STARD13: variants seen among roughly 807,000 people sequenced by gnomAD.
STARD13 encodes StAR related lipid transfer domain containing 13, also known as stAR-related lipid transfer protein 13.
In STARD13, 62 loss-of-function variants were observed where a neutral mutation model predicts 106.4. The observed-to-expected ratio is 0.58, with a 90% CI of 0.48 to 0.72. STARD13 has a LOEUF of 0.72. Ranked by LOEUF, STARD13 falls within the 30% of genes least tolerant of loss-of-function variation. STARD13 has a pLI of 0.00. For synonymous variants in STARD13, 565 were observed against 553.0 expected (o/e 1.02, Z -0.31); for missense variants, 1,387 against 1,424.0 (o/e 0.97, Z 0.42).
At chr13:33,480,325 A>G in the STARD13 span, among the ~76,000 whole-genome samples, 1 of 152,200 alleles carries the variant, frequency 6.6e-6, no homozygotes, top group African/African-American at 2.4e-5. Context: ...TTAAATTTTT[A>G]AAAATCCATA....
At chr13:33,292,122 T>A (rs1470117963) in intron 1 of STARD13, among the ~76,000 whole-genome samples, 1 of 151,876 alleles carries the variant, frequency 6.6e-6, no homozygotes, top group African/African-American at 2.4e-5. Flanking sequence ...AAGCTAGGGG[T>A]AAAATCCATT....
chr13:33,179,895 C>A (rs1479772729), intron 1 of STARD13, among the ~76,000 whole-genome samples: 1 of 152,206 alleles, frequency 6.6e-6, no homozygotes, highest in East Asian at 1.9e-4. Context: ...CCATCTTCTT[C>A]CCCCAGATGA....
intron 1 of STARD13, among the ~76,000 whole-genome samples, chr13:33,207,338 C>T (rs1307541280): frequency 6.6e-6 from 1 of 152,164 alleles, no homozygotes; most frequent in East Asian, 1.9e-4. Context: ...TGGCATCTGC[C>T]ATTAGTCAGT....
the STARD13 span, among the ~76,000 whole-genome samples, chr13:33,398,323 G>A: frequency 2.0e-5 from 3 of 152,044 alleles, no homozygotes; most frequent in Admixed American, 6.5e-5. Flanking sequence ...CAACATTCAC[G>A]AAATGAACAA....
intron 1 of STARD13, chr13:33,188,256 A>C (rs968380192): frequency 6.6e-6 from 1 of 152,154 alleles, no homozygotes; most frequent in African/African-American, 2.4e-5. Context: ...TCTGCCCTCA[A>C]TGTGAGTAGG....
intron 1 of STARD13, among the ~76,000 whole-genome samples, chr13:33,263,936 T>C (rs577957191): frequency 6.8e-4 from 104 of 152,296 alleles, no homozygotes; most frequent in African/African-American, 2.3e-3. Context: ...TGTTGACTAA[T>C]AGAATACAGA....
At position 33,157,114 on chromosome 13, in the gene STARD13, C is replaced by T. The variant is rs893326680; in HGVS notation, c.323+8223G>A. Among the ~76,000 whole-genome samples the T allele has an allele frequency of 8.6e-5, 13 of 151,838 alleles. 1 individual carries two copies. The highest frequency in any genetic ancestry group is 2.7e-4 in the African/African-American group (11 of 41,304). ...TCAACATACTCGAATCAAGTATGGG[C>T]CTTTGTATGTGTAGATAAATTGTAG... On this transcript the variant is annotated intron_variant, in intron 3 of 13. Transcript: ENST00000336934.
chr13:33,545,495 A>G, the STARD13 span, among the ~76,000 whole-genome samples: 32 of 152,358 alleles, frequency 2.1e-4, no homozygotes, highest in South Asian at 2.1e-3. Flanking sequence ...TAGTAATGCT[A>G]TATTTCATAT....
chr13:33,134,158 C>T (rs1025081500), intron 4 of STARD13, among the ~76,000 whole-genome samples: 2 of 152,170 alleles, frequency 1.3e-5, no homozygotes, highest in Non-Finnish European at 2.9e-5. Flanking sequence ...GACAATATGG[C>T]TCACTAGCTA....
intron 1 of STARD13, among the ~76,000 whole-genome samples, chr13:33,184,143 C>T (rs1314887243): frequency 6.6e-6 from 1 of 152,160 alleles, no homozygotes; most frequent in African/African-American, 2.4e-5. Context: ...CAAACCTTTC[C>T]TGAACCCTTC....
intron 5 of STARD13, among the ~76,000 whole-genome samples, chr13:33,127,881 A>AGAG (rs1877469063): frequency 2.7e-5 from 4 of 149,236 alleles, no homozygotes; most frequent in East Asian, 2.0e-4. Flanking sequence ...GTGTGTGTGT[A>AGAG]TGTGAGAGAG....
At position 33,130,269 on chromosome 13, in the gene STARD13, T is replaced by A. The variant is rs778960009; in HGVS notation, c.408A>T (p.Glu136Asp). The A allele has an allele frequency of 6.2e-7, 1 of 1,602,468 alleles. No homozygotes were observed. The highest frequency in any genetic ancestry group is 1.3e-5 in the African/African-American group (1 of 74,918). Residue 136 changes from glutamate to aspartate, a missense_variant, in exon 5 of 14, where the codon GAA becomes GAT. By Grantham distance (45) the Glu-to-Asp change is conservative (BLOSUM62 2). Coordinates refer to ENST00000336934, the MANE Select transcript of STARD13 (RefSeq NM_178006.4). This position sits in a 1 kb window ranked among gnomAD's most constrained non-coding sequence, Gnocchi z 4.1. The stretch of plus-strand genomic sequence containing the variant: ...TCCATTTGTTGCTGATACAAAGATC[T>A]TCCTCATCGGAGTCGTCACCCTGCA... ...QRKKGDDSDE[E>D]DLCISNKWTF...
the STARD13 span, among the ~76,000 whole-genome samples, chr13:33,606,044 A>G: frequency 6.6e-6 from 1 of 152,106 alleles, no homozygotes; most frequent in African/African-American, 2.4e-5. Flanking sequence ...TCGTGCTTGT[A>G]ATCCCAGCAC....
chr13:33,429,978 C>G, the STARD13 span, among the ~76,000 whole-genome samples: 1,418 of 149,462 alleles, frequency 9.5e-3, 31 homozygotes, highest in African/African-American at 0.034. Context: ...AGTGCAGTGG[C>G]GCGATCTCGG....
intron 1 of STARD13, among the ~76,000 whole-genome samples, chr13:33,222,074 G>A (rs775513448): frequency 5.9e-4 from 89 of 151,480 alleles, no homozygotes; most frequent in African/African-American, 1.2e-3. Flanking sequence ...GCTTGAACCC[G>A]GGAGGTAGAG....
intron 1 of STARD13, chr13:33,206,020 A>T (rs1023686523): frequency 8.1e-6 from 8 of 985,226 alleles, no homozygotes; most frequent in Non-Finnish European, 9.6e-6. Flanking sequence ...GGTCCACATC[A>T]TTCTAGCCTG....
intron 1 of STARD13, among the ~76,000 whole-genome samples, chr13:33,326,494 C>A (rs963605374): frequency 6.6e-6 from 1 of 152,124 alleles, no homozygotes; most frequent in Admixed American, 6.5e-5. Context: ...TCCTGTACTC[C>A]GACATTAAGG....
At chr13:33,439,328 C>T in the STARD13 span, among the ~76,000 whole-genome samples, 1 of 152,186 alleles carries the variant, frequency 6.6e-6, no homozygotes, top group African/African-American at 2.4e-5. Flanking sequence ...TTCAAGAGGC[C>T]TTACCTTCGA....
At chr13:33,519,734 A>G in the STARD13 span, among the ~76,000 whole-genome samples, 5 of 152,142 alleles carry the variant, frequency 3.3e-5, no homozygotes, top group African/African-American at 1.2e-4. Flanking sequence ...CCAACTTCAT[A>G]ACACAGAAAA....
Sources: gnomAD v4.1 joint callset for allele counts (sites outside exome capture counted in the v4.1 genomes callset) on GRCh38, gnomAD v4.1.1 for gene constraint, Gnocchi (gnomAD v3.1) non-coding constraint, MANE v1.5 for transcripts, NCBI Gene and HGNC (gene_info 2026-07-23, HGNC 2026-07-21) for gene names.